The following TMEM50B variants were observed in gnomAD, a reference collection of about 807,000 sequenced individuals.
TMEM50B encodes transmembrane protein 50B.
TMEM50B carries 14 observed loss-of-function variants against 23.4 expected under a neutral mutation model. The observed-to-expected ratio is 0.60, with a 90% CI of 0.39 to 0.93. The LOEUF is 0.93. TMEM50B is among the 40% of genes least tolerant of loss of function. TMEM50B has a pLI of 0.00. For missense variants in TMEM50B, 159 were observed against 193.0 expected, an observed-to-expected ratio of 0.82 and a Z score of 1.04; for synonymous variants, 64 against 62.3, an observed-to-expected ratio of 1.03 and a Z score of -0.13.
chr21:33,447,320 A>G (rs182576704), downstream of TMEM50B, among the ~76,000 whole-genome samples: 508 of 127,658 alleles, frequency 4.0e-3, 2 homozygotes, highest in Non-Finnish European at 6.2e-3. Flanking sequence ...AGGAGAGCTG[A>G]GTGTGGTGGT....
In TMEM50B at chr21:33,468,782, C is replaced by T. The variant is rs778764731; in HGVS notation, c.99+5G>A. ...ACATGTCACCAACCAGTCTTTCTCA[C>T]TTACCAATATACCTGCGACAACAGA... On this transcript the variant is annotated splice_donor_5th_base_variant and intron_variant, in intron 2 of 6. Transcript: ENST00000542230. The T allele has an allele frequency of 6.2e-7, 1 of 1,612,692 alleles. No homozygotes were observed. Among genetic ancestry groups the T allele is most frequent in the South Asian group, 1.1e-5 (1 of 90,898 alleles).
intron 4 of TMEM50B, among the ~76,000 whole-genome samples, chr21:33,463,034 G>A (rs897947274): frequency 5.3e-5 from 8 of 152,224 alleles, no homozygotes; most frequent in Admixed American, 4.6e-4. Flanking sequence ...GTTCATGCCT[G>A]TAATCCCAGC....
At chr21:33,458,334 T>C (rs961324482) in intron 5 of TMEM50B, among the ~76,000 whole-genome samples, 2 of 152,022 alleles carry the variant, frequency 1.3e-5, no homozygotes, top group African/African-American at 2.4e-5. Context: ...ACCAATATGG[T>C]GAAACCCCAT....
chr21:33,442,005 T>C (rs964453262), intron 7 of TMEM50B, among the ~76,000 whole-genome samples: 2 of 101,988 alleles, frequency 2.0e-5, no homozygotes, highest in Admixed American at 1.9e-4. Context: ...TTTGTCAGGG[T>C]TTTTTATTTG....
chr21:33,458,409 G>T (rs938900589), intron 5 of TMEM50B, among the ~76,000 whole-genome samples: 1 of 151,976 alleles, frequency 6.6e-6, no homozygotes, highest in East Asian at 1.9e-4. Context: ...AGCTACTTAG[G>T]AGGCTGAGAA....
At chr21:33,466,571 A>G (rs1157322823) in intron 3 of TMEM50B, among the ~76,000 whole-genome samples, 1 of 152,210 alleles carries the variant, frequency 6.6e-6, no homozygotes, top group African/African-American at 2.4e-5. Context: ...AAATGCAGAA[A>G]CGTAACATGT....
chr21:33,446,126 C>T (rs1212797483), downstream of TMEM50B, among the ~76,000 whole-genome samples: 1 of 152,204 alleles, frequency 6.6e-6, no homozygotes, highest in Admixed American at 6.5e-5. Flanking sequence ...CAGCCATGCC[C>T]ACACCTAAAC....
intron 1 of TMEM50B, among the ~76,000 whole-genome samples, chr21:33,473,584 A>G (rs1601135253): frequency 6.6e-6 from 1 of 151,742 alleles, no homozygotes; most frequent in African/African-American, 2.4e-5. Flanking sequence ...GCTGAGATGC[A>G]AGGATCACTT....
intron 8 of TMEM50B, chr21:33,436,771 G>T: frequency 7.2e-7 from 1 of 1,389,064 alleles, no homozygotes; most frequent in Non-Finnish European, 1.0e-6. Flanking sequence ...AAAGTTAAAA[G>T]GTCTGGTATA....
intron 5 of TMEM50B, among the ~76,000 whole-genome samples, chr21:33,456,827 G>A: frequency 6.6e-6 from 1 of 152,132 alleles, no homozygotes; most frequent in East Asian, 1.9e-4. Context: ...ACAGTATCTA[G>A]CCTATAAAGT....
intron 1 of TMEM50B, among the ~76,000 whole-genome samples, chr21:33,470,178 A>G (rs2084300131): frequency 6.6e-6 from 1 of 152,144 alleles, no homozygotes; most frequent in Non-Finnish European, 1.5e-5. Context: ...CCTTGAAAGA[A>G]AGAAAACACA....
intron 5 of TMEM50B, among the ~76,000 whole-genome samples, chr21:33,459,870 G>A (rs1006639301): frequency 6.6e-6 from 1 of 151,648 alleles, no homozygotes; most frequent in Non-Finnish European, 1.5e-5. Flanking sequence ...ACATAGCACC[G>A]CCAGCTGGGT....
downstream of TMEM50B, chr21:33,447,143 GA>G (rs34801089): frequency 1.3e-3 from 163 of 127,598 alleles, 1 homozygote; most frequent in Middle Eastern, 7.6e-3. Flanking sequence ...AACTCCATCT[GA>G]AAAAAAAAAA....
At chr21:33,448,613 T>C (rs2084087714), downstream of TMEM50B, among the ~76,000 whole-genome samples, 1 of 152,064 alleles carries the variant, frequency 6.6e-6, no homozygotes, top group Non-Finnish European at 1.5e-5. Context: ...CCCAAGTAGC[T>C]GGGACTACAG....
chr21:33,440,892 A>G (rs1456984445), intron 7 of TMEM50B, among the ~76,000 whole-genome samples: 2 of 151,872 alleles, frequency 1.3e-5, no homozygotes, highest in Non-Finnish European at 2.9e-5. Context: ...AAAAATAATA[A>G]TAAAATAAAA....
At chr21:33,446,686 GAAAGA>G (rs2084062550), downstream of TMEM50B, among the ~76,000 whole-genome samples, 1 of 37,920 alleles carries the variant, frequency 2.6e-5, no homozygotes. Context: ...AAACCTCTAA[GAAAGA>G]AAAGAACTTT....
At chr21:33,470,943 G>A (rs1199497282) in intron 1 of TMEM50B, among the ~76,000 whole-genome samples, 1 of 152,038 alleles carries the variant, frequency 6.6e-6, no homozygotes, top group Non-Finnish European at 1.5e-5. Context: ...TTCCCCTTAG[G>A]AACCCCATTA....
intron 8 of TMEM50B, among the ~76,000 whole-genome samples, chr21:33,435,677 G>A (rs755744556): frequency 6.6e-6 from 1 of 151,846 alleles, no homozygotes; most frequent in African/African-American, 2.4e-5. Context: ...GAAGTCAGGA[G>A]ATCGAGACCA....
intron 7 of TMEM50B, among the ~76,000 whole-genome samples, chr21:33,443,914 GTTTT>G (rs1039657955): frequency 5.9e-5 from 9 of 152,050 alleles, no homozygotes; most frequent in Non-Finnish European, 1.3e-4. Context: ...TTGTTTGTTT[GTTTT>G]TTTACAGAGT....
Sources: gnomAD v4.1 joint callset for allele counts (sites outside exome capture counted in the v4.1 genomes callset) on GRCh38, gnomAD v4.1.1 for gene constraint, MANE v1.5 for transcripts, NCBI Gene and HGNC (gene_info 2026-07-23, HGNC 2026-07-21) for gene names.